The following CDH8 variants were observed in gnomAD, a reference collection of about 807,000 sequenced individuals.
CDH8 encodes the protein cadherin 8.
A neutral mutation model predicts 68.1 loss-of-function variants in CDH8; 17 were observed. The ratio of observed to expected loss-of-function variants is 0.25; its 90% CI spans 0.17 to 0.37. CDH8 has a LOEUF of 0.37. Ranked by LOEUF, CDH8 falls within the 10% of genes least tolerant of loss-of-function variation. The probability of loss-of-function intolerance (pLI) is 1.00; values close to 1 mark genes in which losing one functional copy is unlikely to be tolerated. For missense variants in CDH8, 763 were observed against 999.3 expected, an observed-to-expected ratio of 0.76 and a Z score of 3.19; for synonymous variants, 372 against 365.1, an observed-to-expected ratio of 1.02 and a Z score of -0.21.
chr16:61,947,727 G>T (rs1006689930), intron 2 of CDH8, among the ~76,000 whole-genome samples: 1 of 152,010 alleles, frequency 6.6e-6, no homozygotes, highest in Non-Finnish European at 1.5e-5. Context: ...TTATTCTAGA[G>T]TATTACAAGT....
chr16:61,776,255 G>A (rs1019920972), intron 8 of CDH8, among the ~76,000 whole-genome samples: 3 of 152,046 alleles, frequency 2.0e-5, no homozygotes, highest in Admixed American at 2.0e-4. Flanking sequence ...TAGCCGTTGA[G>A]ACCTAAAGAG....
intron 3 of CDH8, among the ~76,000 whole-genome samples, chr16:61,892,360 T>A (rs1963793531): frequency 6.6e-6 from 1 of 152,164 alleles, no homozygotes; most frequent in Admixed American, 6.6e-5. Flanking sequence ...TGGGGTCATA[T>A]AAATGAATAT....
At chr16:62,019,046 G>T (rs1330594885) in intron 2 of CDH8, among the ~76,000 whole-genome samples, 1 of 152,144 alleles carries the variant, frequency 6.6e-6, no homozygotes. Context: ...TTTACATTAT[G>T]CAAGACACAG....
At chr16:61,973,845 C>T (rs1004283362) in intron 2 of CDH8, among the ~76,000 whole-genome samples, 3 of 152,204 alleles carry the variant, frequency 2.0e-5, no homozygotes, top group Admixed American at 6.5e-5. Context: ...TAACACTTTT[C>T]CAAGAACTAC....
chr16:61,871,193 T>A (rs1963353528), intron 3 of CDH8, among the ~76,000 whole-genome samples: 1 of 151,878 alleles, frequency 6.6e-6, no homozygotes, highest in African/African-American at 2.4e-5. Context: ...ATATTTTTCC[T>A]TTTTTTGAGA....
intron 2 of CDH8, among the ~76,000 whole-genome samples, chr16:61,922,919 T>A (rs139175068): frequency 8.9e-4 from 136 of 152,354 alleles, no homozygotes; most frequent in African/African-American, 3.2e-3. Flanking sequence ...CATGTGATAA[T>A]TTAATACATT....
chr16:61,788,811 TTTA>T (rs1328582018), intron 8 of CDH8, among the ~76,000 whole-genome samples: 1 of 152,042 alleles, frequency 6.6e-6, no homozygotes. Context: ...TTGATATAAT[TTTA>T]AACAGCCTAT....
At chr16:61,670,322 A>T (rs1963765599) in intron 10 of CDH8, among the ~76,000 whole-genome samples, 1 of 152,066 alleles carries the variant, frequency 6.6e-6, no homozygotes, top group African/African-American at 2.4e-5. Flanking sequence ...TATAAAGTAA[A>T]TGTAAAGTAG....
intron 8 of CDH8, among the ~76,000 whole-genome samples, chr16:61,731,113 G>GA (rs1008023096): frequency 6.6e-6 from 1 of 151,640 alleles, no homozygotes. Flanking sequence ...GAGTGAAAGA[G>GA]AAAAGCAGGC....
chr16:61,981,928 C>T (rs930380016), intron 2 of CDH8, among the ~76,000 whole-genome samples: 1 of 152,008 alleles, frequency 6.6e-6, no homozygotes, highest in African/African-American at 2.4e-5. Flanking sequence ...TTCTTTCTCC[C>T]CTTCCTCACT....
chr16:61,652,565 C>T lies in CDH8; in HGVS notation c.*1043G>A. On this transcript the variant is annotated 3_prime_UTR_variant, in exon 12 of 12. Coordinates refer to ENST00000577390, the MANE Select transcript of CDH8 (RefSeq NM_001796.5). ...TTCTACTCTAAAGAGACTATTAGCT[C>T]TCCTTTCGATAATATTGCCTGCCAT... The T allele has an allele frequency of 1.9e-6, 2 of 1,061,914 alleles. No homozygotes were observed. The highest frequency in any genetic ancestry group is 2.3e-6 in the Non-Finnish European group (2 of 878,098). The allele number at this position is 1,061,914 out of a possible 1,614,324, so 65.8% of individuals were successfully genotyped here.
intron 2 of CDH8, among the ~76,000 whole-genome samples, chr16:61,972,740 T>C (rs1347117745): frequency 6.6e-6 from 1 of 152,070 alleles, no homozygotes; most frequent in African/African-American, 2.4e-5. Context: ...CTAAGAATGC[T>C]AGGTAATAAT....
chr16:61,894,548 A>G (rs950137387), intron 3 of CDH8, among the ~76,000 whole-genome samples: 1 of 152,172 alleles, frequency 6.6e-6, no homozygotes, highest in Admixed American at 6.6e-5. Flanking sequence ...AATGTCAACA[A>G]TTTACTCTCA....
At chr16:61,798,564 A>G (rs944331123) in intron 7 of CDH8, among the ~76,000 whole-genome samples, 3 of 152,034 alleles carry the variant, frequency 2.0e-5, no homozygotes, top group Non-Finnish European at 2.9e-5. Context: ...GTATTTGGCT[A>G]GTGGCCACAA....
chr16:61,650,412 CATT>C lies in CDH8; in HGVS notation c.*3193_*3195del, dbSNP rs1431970737. ...TTGTCTCACTTGGCTCCAACTTAAT[CATT>C]CTTCTCTATTTAGCAGAGAGTACTC... On this transcript the variant is annotated 3_prime_UTR_variant, in exon 12 of 12. Transcript: ENST00000577390. 1 of 152,072 alleles carries C rather than the reference CATT, an allele frequency of 6.6e-6. No homozygotes were observed. The highest frequency in any genetic ancestry group is 1.5e-5 in the Non-Finnish European group (1 of 68,006). 9.4% of individuals were successfully genotyped at this position (152,072 alleles called of 1,614,324 possible).
At chr16:61,888,218 C>G (rs758044404) in intron 3 of CDH8, among the ~76,000 whole-genome samples, 1 of 152,146 alleles carries the variant, frequency 6.6e-6, no homozygotes, top group Non-Finnish European at 1.5e-5. Flanking sequence ...AAATGTGACT[C>G]TCTGTGACAA....
At chr16:62,003,388 C>CT (rs1266359138) in intron 2 of CDH8, among the ~76,000 whole-genome samples, 4 of 152,230 alleles carry the variant, frequency 2.6e-5, no homozygotes, top group African/African-American at 9.6e-5. Flanking sequence ...CAACATAGTA[C>CT]TTTTATAAAG....
intron 4 of CDH8, among the ~76,000 whole-genome samples, chr16:61,826,797 G>GT: frequency 6.6e-6 from 1 of 151,842 alleles, no homozygotes; most frequent in African/African-American, 2.4e-5. Context: ...GGGGAGAACT[G>GT]TGAGTTCTTA....
intron 3 of CDH8, among the ~76,000 whole-genome samples, chr16:61,884,404 C>T (rs376060597): frequency 2.0e-5 from 3 of 148,766 alleles, no homozygotes; most frequent in East Asian, 2.0e-4. Context: ...GAGGGAGTCT[C>T]GCTCTATTGC....
Sources: gnomAD v4.1 joint callset for allele counts (sites outside exome capture counted in the v4.1 genomes callset) on GRCh38, gnomAD v4.1.1 for gene constraint, MANE v1.5 for transcripts, NCBI Gene and HGNC (gene_info 2026-07-23, HGNC 2026-07-21) for gene names.